MCMDC2: variants seen among roughly 807,000 people sequenced by gnomAD.
The protein encoded by MCMDC2 is minichromosome maintenance domain-containing protein 2.
A neutral mutation model predicts 75.8 loss-of-function variants in MCMDC2; 54 were observed. The ratio of observed to expected loss-of-function variants is 0.71; its 90% CI spans 0.57 to 0.89. MCMDC2 has a LOEUF of 0.89. Ranked by LOEUF, MCMDC2 falls within the 40% of genes least tolerant of loss-of-function variation. The pLI is 0.00. For missense variants in MCMDC2, 656 were observed against 780.4 expected, an observed-to-expected ratio of 0.84 and a Z score of 1.90; for synonymous variants, 249 against 274.6, an observed-to-expected ratio of 0.91 and a Z score of 0.92.
chr8:66,894,046 T>G (rs1373473410), intron 10 of MCMDC2, among the ~76,000 whole-genome samples: 1 of 152,244 alleles, frequency 6.6e-6, no homozygotes, highest in African/African-American at 2.4e-5. Flanking sequence ...GGATGCCTGT[T>G]TTTACTGTGC....
intron 4 of MCMDC2, 90 bp from the exon 5 acceptor site, chr8:66,877,259 T>G: frequency 1.3e-6 from 1 of 790,226 alleles, no homozygotes; most frequent in Non-Finnish European, 1.9e-6. Flanking sequence ...TATCATTACT[T>G]GACTTTCTTT....
chr8:66,923,927 A>AC (rs950225643), downstream of MCMDC2, among the ~76,000 whole-genome samples: 1 of 150,466 alleles, frequency 6.6e-6, no homozygotes, highest in African/African-American at 2.4e-5. Context: ...TATCCACACC[A>AC]CCCCCCTCCC....
chr8:66,901,825 G>A (rs1812673623), intron 13 of MCMDC2: 1 of 163,544 alleles, frequency 6.1e-6, no homozygotes, highest in African/African-American at 2.4e-5. Context: ...CAGCTACTTG[G>A]GAGGCTGAGG....
In MCMDC2 at chr8:66,910,772, G is replaced by C. The variant is rs1173852805; in HGVS notation, c.1879+5437G>C. On this transcript the variant is annotated intron_variant, in intron 14 of 14. Transcript: ENST00000422365. ...TGTAGTGAGATGAGATCATGCCATTGCACTCCAGCCTGGGCAACAAGAGCA... is the reference window on the plus strand; with the variant it reads ...TGTAGTGAGATGAGATCATGCCATTCCACTCCAGCCTGGGCAACAAGAGCA... 4.0e-5 allele frequency among the ~76,000 whole-genome samples: 6 copies of C among 151,700 alleles called. No individual in the cohort carries two copies. The East Asian group carries it at 9.7e-4, about 25-fold the overall frequency.
At chr8:66,900,647 T>A (rs1812616213) in intron 12 of MCMDC2, among the ~76,000 whole-genome samples, 1 of 152,028 alleles carries the variant, frequency 6.6e-6, no homozygotes, top group Admixed American at 6.6e-5. Flanking sequence ...AATCACTGAC[T>A]GTGAAAGAAA....
chr8:66,895,887 C>T (rs1309491257), intron 10 of MCMDC2, among the ~76,000 whole-genome samples: 1 of 152,166 alleles, frequency 6.6e-6, no homozygotes, highest in Admixed American at 6.5e-5. Flanking sequence ...TATTATATGA[C>T]CAATCTCTTA....
Position 66,921,158 on chromosome 8 carries a change from G to A in MCMDC2, c.*1989G>A, listed in dbSNP as rs1451447346. ...TAAAATGTTTAAGTTTCTCATTAAAGAGTAGAAGTGTACATTCAGAAACAA... is the reference window on the plus strand; with the variant it reads ...TAAAATGTTTAAGTTTCTCATTAAAAAGTAGAAGTGTACATTCAGAAACAA... On this transcript the variant is annotated 3_prime_UTR_variant, in exon 15 of 15. Transcript: ENST00000422365. 1 of 152,082 alleles carries A rather than the reference G, an allele frequency of 6.6e-6. No individual in the cohort carries two copies. The highest frequency in any genetic ancestry group is 1.5e-5 in the Non-Finnish European group (1 of 68,016). The allele number at this position is 152,082 out of a possible 1,614,324, so 9.4% of individuals were successfully genotyped here.
chr8:66,886,297 T>A (rs1233165560), intron 9 of MCMDC2, among the ~76,000 whole-genome samples: 5 of 151,998 alleles, frequency 3.3e-5, no homozygotes, highest in African/African-American at 1.2e-4. Context: ...CCCGAGTAGC[T>A]GGGATTACAG....
At chr8:66,894,695 TTTTC>T (rs1812260250) in intron 10 of MCMDC2, among the ~76,000 whole-genome samples, 3 of 152,216 alleles carry the variant, frequency 2.0e-5, no homozygotes, top group South Asian at 4.1e-4. Context: ...AAATTTTAAT[TTTTC>T]TTTATTTAGA....
intron 10 of MCMDC2, among the ~76,000 whole-genome samples, chr8:66,892,430 A>G (rs1426574337): frequency 6.6e-6 from 1 of 152,220 alleles, no homozygotes; most frequent in Non-Finnish European, 1.5e-5. Context: ...TCCAGGAAGA[A>G]TTAGCTTATG....
intron 14 of MCMDC2, among the ~76,000 whole-genome samples, chr8:66,911,579 T>A (rs1290980387): frequency 2.0e-5 from 3 of 151,228 alleles, no homozygotes; most frequent in Admixed American, 1.3e-4. Context: ...ATCCTAAAAC[T>A]TTGGGGGTCC....
At chr8:66,881,077 C>G (rs1811536658) in intron 8 of MCMDC2, 103 bp downstream of exon 8, 1 of 933,816 alleles carries the variant, frequency 1.1e-6, no homozygotes, top group African/African-American at 1.7e-5. Flanking sequence ...TTCCTCTAAG[C>G]ACTAAGAATA....
At chr8:66,900,585 G>T (rs887598292) in intron 12 of MCMDC2, among the ~76,000 whole-genome samples, 5 of 151,962 alleles carry the variant, frequency 3.3e-5, no homozygotes, top group African/African-American at 7.3e-5. Context: ...AAATAACTAG[G>T]ATAGTAAAAA....
chr8:66,885,707 C>T (rs1461797609), intron 9 of MCMDC2, among the ~76,000 whole-genome samples: 4 of 152,146 alleles, frequency 2.6e-5, no homozygotes, highest in Non-Finnish European at 4.4e-5. Context: ...TTAACATACA[C>T]TCCTTTAATC....
chr8:66,901,431 CTTGT>C (rs1812655728), intron 13 of MCMDC2, 83 bp downstream of exon 13: 2 of 1,515,600 alleles, frequency 1.3e-6, no homozygotes, highest in Non-Finnish European at 1.8e-6. Context: ...ACCTATTTCA[CTTGT>C]TTCTCTGCTT....
chr8:66,909,056 C>T (rs1483979850), intron 14 of MCMDC2, among the ~76,000 whole-genome samples: 1 of 152,132 alleles, frequency 6.6e-6, no homozygotes, highest in Non-Finnish European at 1.5e-5. Context: ...GGGGCAGTTT[C>T]CCCTATGCTA....
At chr8:66,901,168 A>G in intron 12 of MCMDC2, 38 bp from the exon 13 acceptor site, 1 of 1,490,206 alleles carries the variant, frequency 6.7e-7, no homozygotes, top group South Asian at 1.2e-5. Context: ...TGATTCCATA[A>G]TAAAGCTTGA....
chr8:66,905,889 C>T (rs1343790736), intron 14 of MCMDC2, among the ~76,000 whole-genome samples: 3 of 151,678 alleles, frequency 2.0e-5, no homozygotes, highest in Middle Eastern at 3.2e-3. Flanking sequence ...CCTGTAGTCC[C>T]AGCTACTCAG....
At chr8:66,874,664 A>T (rs1284264409) in intron 4 of MCMDC2, 78 bp downstream of exon 4, 1 of 1,253,784 alleles carries the variant, frequency 8.0e-7, no homozygotes, top group Non-Finnish European at 1.1e-6. Context: ...TTATATTCAT[A>T]GACTTTTTAT....
Sources: allele counts gnomAD v4.1 joint callset (sites outside exome capture counted in the v4.1 genomes callset), GRCh38; gene constraint gnomAD v4.1.1; transcripts MANE v1.5; gene names NCBI Gene and HGNC (gene_info 2026-07-23, HGNC 2026-07-21).